The following HEMK2 variants were observed in gnomAD, a reference collection of about 807,000 sequenced individuals.
HEMK2 encodes the protein HemK methyltransferase 2, ETF1 glutamine and histone H4 lysine.
At chr21:28,578,183 T>C in the HEMK2 span, among the ~76,000 whole-genome samples, 2 of 152,212 alleles carry the variant, frequency 1.3e-5, no homozygotes, top group Non-Finnish European at 2.9e-5. Flanking sequence ...CCGCCCTTTG[T>C]TTCCAATATT....
the HEMK2 span, among the ~76,000 whole-genome samples, chr21:28,838,996 T>TATATATATATATATATATATAC: frequency 3.3e-5 from 2 of 60,532 alleles, no homozygotes; most frequent in Non-Finnish European, 5.4e-5. Context: ...TATATATATA[T>TATATATATATATATATATATAC]ATATACATAT....
the HEMK2 span, among the ~76,000 whole-genome samples, chr21:28,658,623 A>T: frequency 6.6e-6 from 1 of 152,074 alleles, no homozygotes; most frequent in Non-Finnish European, 1.5e-5. Flanking sequence ...TACAGCTTCC[A>T]TGTTACACTG....
At chr21:28,677,547 T>C in the HEMK2 span, among the ~76,000 whole-genome samples, 2 of 152,178 alleles carry the variant, frequency 1.3e-5, no homozygotes, top group African/African-American at 4.8e-5. Context: ...TTGAAGAGAC[T>C]AGTGGTTCTC....
chr21:28,707,342 G>A, the HEMK2 span, among the ~76,000 whole-genome samples: 1 of 148,288 alleles, frequency 6.7e-6, no homozygotes, highest in African/African-American at 2.5e-5. Context: ...TGCAACCTCC[G>A]CGTCCCCCAT....
the HEMK2 span, among the ~76,000 whole-genome samples, chr21:28,631,840 A>T: frequency 3.6e-4 from 55 of 151,850 alleles, no homozygotes; most frequent in Non-Finnish European, 5.3e-4. Flanking sequence ...ATTTAAAAAA[A>T]TTTTTTTTAT....
the HEMK2 span, among the ~76,000 whole-genome samples, chr21:28,847,990 T>C: frequency 1.3e-5 from 2 of 152,230 alleles, no homozygotes; most frequent in African/African-American, 4.8e-5. Flanking sequence ...CTGTATGCTT[T>C]TGTACTAGTA....
chr21:28,637,239 TATG>T, the HEMK2 span, among the ~76,000 whole-genome samples: 4 of 152,230 alleles, frequency 2.6e-5, no homozygotes, highest in African/African-American at 9.6e-5. Context: ...TTCATCATTG[TATG>T]ATATTAGGGT....
the HEMK2 span, among the ~76,000 whole-genome samples, chr21:28,864,290 A>G: frequency 1.3e-5 from 2 of 152,240 alleles, no homozygotes; most frequent in Non-Finnish European, 2.9e-5. Flanking sequence ...AGAGAGCTAT[A>G]AAACCAAAGG....
the HEMK2 span, among the ~76,000 whole-genome samples, chr21:28,588,934 T>G: frequency 4.2e-5 from 6 of 142,624 alleles, no homozygotes; most frequent in South Asian, 8.7e-4. Flanking sequence ...AGTGAGCAGA[T>G]ATCACGCCAC....
At chr21:28,817,264 C>T in the HEMK2 span, among the ~76,000 whole-genome samples, 1 of 152,054 alleles carries the variant, frequency 6.6e-6, no homozygotes, top group African/African-American at 2.4e-5. Context: ...TTCAGATATG[C>T]AAGGACTCAG....
the HEMK2 span, among the ~76,000 whole-genome samples, chr21:28,638,365 G>A: frequency 5.3e-5 from 8 of 152,080 alleles, no homozygotes; most frequent in South Asian, 2.1e-4. Context: ...GGAGGAGCAC[G>A]GTGCACAGGC....
the HEMK2 span, among the ~76,000 whole-genome samples, chr21:28,590,438 TA>T: frequency 6.6e-6 from 1 of 152,138 alleles, no homozygotes; most frequent in Admixed American, 6.5e-5. Context: ...TGAATAAAGC[TA>T]AAAATTAATA....
At chr21:28,589,163 G>C in the HEMK2 span, among the ~76,000 whole-genome samples, 1 of 152,114 alleles carries the variant, frequency 6.6e-6, no homozygotes, top group African/African-American at 2.4e-5. Flanking sequence ...GTTGAGGAGA[G>C]AGGAGGGTTT....
the HEMK2 span, among the ~76,000 whole-genome samples, chr21:28,718,694 A>G: frequency 1.3e-5 from 2 of 152,196 alleles, no homozygotes; most frequent in Non-Finnish European, 2.9e-5. Context: ...TAATAGAATC[A>G]CTACATATTT....
At chr21:28,656,660 T>C in the HEMK2 span, among the ~76,000 whole-genome samples, 1 of 152,142 alleles carries the variant, frequency 6.6e-6, no homozygotes, top group African/African-American at 2.4e-5. Flanking sequence ...CCTAAACTAA[T>C]GCAACCTATC....
At chr21:28,661,799 G>C in the HEMK2 span, among the ~76,000 whole-genome samples, 3 of 152,102 alleles carry the variant, frequency 2.0e-5, no homozygotes, top group African/African-American at 7.2e-5. Context: ...TGCTTGAAAT[G>C]TGACTAGTGT....
the HEMK2 span, among the ~76,000 whole-genome samples, chr21:28,711,853 C>T: frequency 3.3e-5 from 5 of 152,240 alleles, no homozygotes; most frequent in African/African-American, 4.8e-5. Context: ...CCCATATTTT[C>T]GAGCTCTGGT....
At chr21:28,717,497 T>TTTTTTTTA in the HEMK2 span, among the ~76,000 whole-genome samples, 3 of 149,474 alleles carry the variant, frequency 2.0e-5, no homozygotes, top group African/African-American at 7.4e-5. Flanking sequence ...TTTTTTTTTT[T>TTTTTTTTA]GAGACGGAGT....
At chr21:28,640,271 G>A in the HEMK2 span, among the ~76,000 whole-genome samples, 1,025 of 152,330 alleles carry the variant, frequency 6.7e-3, 13 homozygotes, top group African/African-American at 0.024. Flanking sequence ...ATGATGACCA[G>A]TGCTCTGGGG....
Sources: allele counts gnomAD v4.1 joint callset (sites outside exome capture counted in the v4.1 genomes callset), GRCh38; gene constraint gnomAD v4.1.1; transcripts MANE v1.5; gene names NCBI Gene and HGNC (gene_info 2026-07-23, HGNC 2026-07-21).